The following CADPS2 variants were observed in gnomAD, a reference collection of about 807,000 sequenced individuals.
CADPS2 encodes the protein calcium-dependent secretion activator 2.
CADPS2 carries 93 observed loss-of-function variants against 172.5 expected under a neutral mutation model. The ratio of observed to expected loss-of-function variants is 0.54; its 90% confidence interval spans 0.46 to 0.64. The LOEUF (loss-of-function observed/expected upper bound fraction) is 0.64. Among genes scored for constraint, CADPS2 ranks in the 30% least tolerant of loss-of-function variants. The pLI is 0.00. For missense variants in CADPS2, 1,420 were observed against 1,565.9 expected (o/e 0.91, Z 1.57); for synonymous variants, 546 against 555.2 (o/e 0.98, Z 0.23).
intron 3 of CADPS2, among the ~76,000 whole-genome samples, chr7:122,645,240 T>TACAC (rs199662352): frequency 2.0e-3 from 7 of 3,450 alleles, no homozygotes; most frequent in Admixed American, 5.8e-3. Flanking sequence ...AGTATATATA[T>TACAC]ACACACATGT....
At chr7:122,731,591 G>A (rs566626040) in intron 2 of CADPS2, among the ~76,000 whole-genome samples, 2 of 149,886 alleles carry the variant, frequency 1.3e-5, no homozygotes, top group South Asian at 4.2e-4. Context: ...AAAACGAAGA[G>A]CAAACACTTG....
At chr7:122,532,819 C>T (rs1450787727) in intron 8 of CADPS2, among the ~76,000 whole-genome samples, 1 of 151,952 alleles carries the variant, frequency 6.6e-6, no homozygotes, top group South Asian at 2.1e-4. Context: ...TGGAAATAAA[C>T]CAAAATAACA....
chr7:122,529,514 T>C (rs1482766614), intron 8 of CADPS2, among the ~76,000 whole-genome samples: 1 of 152,110 alleles, frequency 6.6e-6, no homozygotes, highest in Admixed American at 6.6e-5. Flanking sequence ...TACTAATTAA[T>C]AGAAAAGAAT....
chr7:122,660,529 C>T (rs2080408329), intron 3 of CADPS2, among the ~76,000 whole-genome samples: 1 of 151,460 alleles, frequency 6.6e-6, no homozygotes, highest in Admixed American at 6.6e-5. Flanking sequence ...AAATTTAATC[C>T]AACTACATTA....
chr7:122,581,768 G>C (rs554500353), intron 6 of CADPS2, among the ~76,000 whole-genome samples: 1 of 152,052 alleles, frequency 6.6e-6, no homozygotes, highest in East Asian at 1.9e-4. Flanking sequence ...AATTATCTCA[G>C]ATCTATTACT....
intron 3 of CADPS2, among the ~76,000 whole-genome samples, chr7:122,630,256 A>T (rs1254367797): frequency 6.6e-6 from 1 of 152,186 alleles, no homozygotes; most frequent in East Asian, 1.9e-4. Flanking sequence ...ACTTTCCCAA[A>T]GAACTACAAA....
At chr7:122,335,055 C>T (rs777202048) in intron 28 of CADPS2, among the ~76,000 whole-genome samples, 25 of 152,180 alleles carry the variant, frequency 1.6e-4, no homozygotes, top group Admixed American at 2.6e-4. Context: ...CATAGATAGC[C>T]ATCTCTATGG....
At chr7:122,582,423 G>C (rs370650170) in intron 6 of CADPS2, among the ~76,000 whole-genome samples, 20 of 151,912 alleles carry the variant, frequency 1.3e-4, no homozygotes, top group African/African-American at 4.6e-4. Context: ...GCATCTAGAT[G>C]CAGTCTTTTT....
chr7:122,674,734 T>TATA (rs2082228022), intron 2 of CADPS2, among the ~76,000 whole-genome samples: 1 of 152,188 alleles, frequency 6.6e-6, no homozygotes. Context: ...ATTATCTGCT[T>TATA]GCCAAATCAT....
chr7:122,554,532 C>A lies in CADPS2; in HGVS notation c.1475+18G>T. The A allele has an allele frequency of 6.5e-7, 1 of 1,546,106 alleles. No homozygotes were observed. Among genetic ancestry groups the A allele is most frequent in the South Asian group, 1.2e-5 (1 of 81,216 alleles). On this transcript the variant is annotated intron_variant, in intron 8 of 29. Coordinates refer to ENST00000449022, the MANE Select transcript of CADPS2 (RefSeq NM_017954.11). ...AAATTCAATAATTCAGGAAAAAAAT[C>A]CTCAAATTTATACTCACCCACTATG...
intron 9 of CADPS2, among the ~76,000 whole-genome samples, chr7:122,512,867 C>T (rs929983208): frequency 6.6e-6 from 1 of 152,070 alleles, no homozygotes; most frequent in African/African-American, 2.4e-5. Context: ...TAAGAATATT[C>T]AGAAGTTATT....
At chr7:122,593,724 T>TG (rs1480009631) in intron 6 of CADPS2, among the ~76,000 whole-genome samples, 1 of 148,140 alleles carries the variant, frequency 6.8e-6, no homozygotes, top group Admixed American at 6.7e-5. Context: ...CCAGACAATA[T>TG]GAAAAAAAAG....
intron 5 of CADPS2, among the ~76,000 whole-genome samples, chr7:122,620,550 A>G (rs1170209941): frequency 1.3e-5 from 2 of 152,216 alleles, no homozygotes; most frequent in Non-Finnish European, 1.5e-5. Flanking sequence ...TACAAAGAGT[A>G]TTAGTCTTTG....
intron 6 of CADPS2, among the ~76,000 whole-genome samples, chr7:122,595,045 A>C (rs924965429): frequency 1.3e-5 from 2 of 151,926 alleles, no homozygotes; most frequent in African/African-American, 4.8e-5. Context: ...ACAGAAATTT[A>C]CCAATATGTT....
intron 6 of CADPS2, chr7:122,585,641 C>G (rs1165972370): frequency 6.6e-6 from 1 of 151,906 alleles, no homozygotes; most frequent in Non-Finnish European, 1.5e-5. Context: ...CATTATCTTG[C>G]TGTCATTTTG....
At chr7:122,602,543 A>G (rs748680932) in intron 6 of CADPS2, among the ~76,000 whole-genome samples, 2 of 152,166 alleles carry the variant, frequency 1.3e-5, no homozygotes, top group African/African-American at 4.8e-5. Context: ...CAAAACCTTC[A>G]AGTTGAACTG....
At chr7:122,468,556 G>T (rs1563420652) in intron 14 of CADPS2, among the ~76,000 whole-genome samples, 1 of 152,102 alleles carries the variant, frequency 6.6e-6, no homozygotes, top group East Asian at 1.9e-4. Context: ...AAATGGCAAA[G>T]AAAAATATAT....
intron 2 of CADPS2, among the ~76,000 whole-genome samples, chr7:122,704,039 T>A (rs1480198057): frequency 2.0e-5 from 3 of 152,108 alleles, no homozygotes; most frequent in Non-Finnish European, 4.4e-5. Flanking sequence ...TTATTTTCTA[T>A]CATGTATAGG....
intron 19 of CADPS2, 39 bp downstream of exon 19, chr7:122,414,029 A>T (rs1444009571): frequency 2.6e-6 from 4 of 1,526,930 alleles, no homozygotes; most frequent in African/African-American, 2.8e-5. Context: ...TAAAAGAGGT[A>T]TCCTATGCTA....
Sources: allele counts gnomAD v4.1 joint callset (sites outside exome capture counted in the v4.1 genomes callset), GRCh38; gene constraint gnomAD v4.1.1; transcripts MANE v1.5; gene names NCBI Gene and HGNC (gene_info 2026-07-23, HGNC 2026-07-21).